Variants in EXD3 observed in about 807,000 individuals in gnomAD.
The protein encoded by EXD3 is exonuclease mut-7 homolog.
In EXD3, 92 loss-of-function variants were observed where a neutral mutation model predicts 98.0. The observed-to-expected ratio is 0.94, with a 90% confidence interval of 0.79 to 1.12. The LOEUF is 1.12. EXD3 is among the 50% of genes most tolerant of loss of function. EXD3 has a pLI of 0.00. For synonymous variants in EXD3, 569 were observed against 526.0 expected (o/e 1.08, Z -1.12); for missense variants, 1,222 against 1,191.6 (o/e 1.03, Z -0.38).
At chr9:137,411,448 C>T (rs548915951) in intron 1 of EXD3, among the ~76,000 whole-genome samples, 9 of 151,976 alleles carry the variant, frequency 5.9e-5, no homozygotes, top group East Asian at 1.9e-4. Context: ...CACAGGAAGG[C>T]GGGACCGGCG....
intron 17 of EXD3, among the ~76,000 whole-genome samples, chr9:137,335,093 A>AG (rs1564486805): frequency 6.6e-6 from 1 of 151,814 alleles, no homozygotes; most frequent in Non-Finnish European, 1.5e-5. Flanking sequence ...AAAAAAAAAA[A>AG]CAAACAAAAT....
At chr9:137,397,720 G>A (rs749580102) in intron 1 of EXD3, among the ~76,000 whole-genome samples, 29 of 152,056 alleles carry the variant, frequency 1.9e-4, no homozygotes, top group Non-Finnish European at 3.4e-4. Context: ...AGGCTGAGGC[G>A]GGAGGATCAC....
At chr9:137,314,719 A>G (rs1385878023) in intron 19 of EXD3, among the ~76,000 whole-genome samples, 2 of 152,020 alleles carry the variant, frequency 1.3e-5, no homozygotes, top group Non-Finnish European at 2.9e-5. Flanking sequence ...CTCCACAGAC[A>G]GTGTGGGGGA....
intron 19 of EXD3, among the ~76,000 whole-genome samples, chr9:137,322,045 G>A (rs1832058077): frequency 1.3e-5 from 2 of 152,144 alleles, no homozygotes; most frequent in South Asian, 2.1e-4. Context: ...TTGGGCTTTG[G>A]TGCCCCCACC....
chr9:137,308,903 C>T (rs1831209506), intron 20 of EXD3, among the ~76,000 whole-genome samples: 1 of 152,180 alleles, frequency 6.6e-6, no homozygotes, highest in Non-Finnish European at 1.5e-5. Context: ...CCTCGGCCTC[C>T]CAAAGTGCTG....
At chr9:137,383,416 G>A (rs1193746933) in intron 2 of EXD3, 39 bp from the exon 3 acceptor site, 2 of 1,460,646 alleles carry the variant, frequency 1.4e-6, no homozygotes. Flanking sequence ...GGGAGAGGCA[G>A]GTGCAGGGGC....
chr9:137,386,119 G>C (rs778859993), intron 2 of EXD3, among the ~76,000 whole-genome samples: 4 of 151,926 alleles, frequency 2.6e-5, no homozygotes, highest in Non-Finnish European at 5.9e-5. Context: ...AAGACAGCAA[G>C]ACCCCATCTC....
At chr9:137,420,463 A>AG (rs1351627027) in intron 1 of EXD3, among the ~76,000 whole-genome samples, 2 of 152,204 alleles carry the variant, frequency 1.3e-5, no homozygotes, top group East Asian at 3.8e-4. Context: ...GTTCAGTAAG[A>AG]ATCTGTTGTC....
intron 1 of EXD3, among the ~76,000 whole-genome samples, chr9:137,417,647 AG>A (rs946839501): frequency 3.9e-5 from 6 of 152,030 alleles, no homozygotes; most frequent in Non-Finnish European, 8.8e-5. Context: ...GGCCGAGCGG[AG>A]GAGGAGGCGC....
chr9:137,368,452 TG>T (rs931717558), intron 5 of EXD3, among the ~76,000 whole-genome samples: 1 of 152,110 alleles, frequency 6.6e-6, no homozygotes, highest in African/African-American at 2.4e-5. Flanking sequence ...TCCTGAGGCC[TG>T]GGGGGTCCTA....
Position 137,354,689 on chromosome 9 carries a change from T to C in EXD3, c.831+11A>G. ...GCTGGCTGCCCCCAGGACCCCCTCC[T>C]GCTCACGAACCTCCACAAACCGCTT... On this transcript the variant is annotated intron_variant, in intron 9 of 21. Coordinates refer to ENST00000340951, the MANE Select transcript of EXD3 (RefSeq NM_017820.5). 1 of 1,610,406 alleles carries C rather than the reference T, an allele frequency of 6.2e-7. No individual in the cohort carries two copies. The highest frequency in any genetic ancestry group is 8.5e-7 in the Non-Finnish European group (1 of 1,179,652).
rs899174846 is a variant in EXD3 at position 137,324,580 on chromosome 9, G to C, written c.1999-437C>G. Among the ~76,000 whole-genome samples, 1 of 152,168 alleles carries C rather than the reference G, an allele frequency of 6.6e-6. No homozygotes were observed. The highest frequency in any genetic ancestry group is 2.4e-5 in the African/African-American group (1 of 41,422). On this transcript the variant is annotated intron_variant, in intron 17 of 21. Transcript: ENST00000340951. This position sits in a 1 kb window ranked among gnomAD's most constrained non-coding sequence, Gnocchi z 4.1. The stretch of plus-strand genomic sequence containing the variant: ...CGATGCTCTGGGTGACAGTGTCGAC[G>C]TGGCTCTTCCCAAAGCTTTGTATGA...
At chr9:137,372,632 G>A (rs1319410688) in intron 5 of EXD3, among the ~76,000 whole-genome samples, 1 of 152,244 alleles carries the variant, frequency 6.6e-6, no homozygotes, top group Non-Finnish European at 1.5e-5. Flanking sequence ...AGGGCCCAGT[G>A]CATGCTGGGA....
At chr9:137,392,669 G>A (rs1031767762) in intron 2 of EXD3, 3 of 335,322 alleles carry the variant, frequency 8.9e-6, no homozygotes, top group East Asian at 7.6e-5. Flanking sequence ...TCCAGGAAGC[G>A]CCAGGCTGTT....
intron 19 of EXD3, among the ~76,000 whole-genome samples, chr9:137,318,093 GC>G (rs1319883649): frequency 6.6e-6 from 1 of 152,152 alleles, no homozygotes; most frequent in Admixed American, 6.5e-5. Flanking sequence ...CGGCACTGGG[GC>G]CCCCAGGCTG....
rs553575121 is a variant in EXD3, at chr9:137,324,983, C to T, written c.1999-840G>A. Among the ~76,000 whole-genome samples, 14 of 152,266 alleles carry T rather than the reference C, an allele frequency of 9.2e-5. No individual in the cohort carries two copies. In the South Asian group the frequency reaches 2.1e-3, roughly 23 times the overall value. On this transcript the variant is annotated intron_variant, in intron 17 of 21. Coordinates refer to ENST00000340951, the MANE Select transcript of EXD3 (RefSeq NM_017820.5). The surrounding 1 kb of genome is among the most constrained non-coding windows in gnomAD (Gnocchi z 4.1). ...CTGGGATTACAGGTGTGAGTCACCG[C>T]GCCTGGCCAAAATTAAGCATATTAA... is the stretch of plus-strand genomic sequence containing the variant.
chr9:137,412,052 AC>A (rs1838030289), intron 1 of EXD3, among the ~76,000 whole-genome samples: 1 of 151,726 alleles, frequency 6.6e-6, no homozygotes, highest in South Asian at 2.1e-4. Context: ...AGGCTCCCCC[AC>A]CCCCACAGAG....
chr9:137,416,319 G>T (rs1252725156), intron 1 of EXD3, among the ~76,000 whole-genome samples: 2 of 152,210 alleles, frequency 1.3e-5, no homozygotes, highest in African/African-American at 4.8e-5. Context: ...GGGACAAAGG[G>T]GCGGACTTGG....
In EXD3 at chr9:137,352,735, C is replaced by T; in HGVS notation, c.922G>A (p.Val308Ile). ...GCCGTGACTGGGTCACTGTGGGAGA[C>T]CAGCAGCTGAGACAGCTGCTCCTGA... is the stretch of plus-strand genomic sequence containing the variant. The part of the protein sequence containing the change: ...WLQEQLSQLL[V>I]SHSDPVTAAQ... The change falls in exon 11 of 22, where the codon GTC (valine) becomes ATC (isoleucine). Residue 308 changes from valine (V) to isoleucine (I), a missense_variant. By Grantham distance (29) the Val-to-Ile change is conservative. Coordinates refer to ENST00000340951, the MANE Select transcript of EXD3 (RefSeq NM_017820.5). 6.3e-7 allele frequency: 1 copy of T among 1,575,502 alleles called. No homozygotes were observed. The highest frequency in any genetic ancestry group is 8.6e-7 in the Non-Finnish European group (1 of 1,162,324).
Sources: gnomAD v4.1 joint callset for allele counts (sites outside exome capture counted in the v4.1 genomes callset) on GRCh38, gnomAD v4.1.1 for gene constraint, Gnocchi (gnomAD v3.1) non-coding constraint, MANE v1.5 for transcripts, NCBI Gene and HGNC (gene_info 2026-07-23, HGNC 2026-07-21) for gene names.